Variants in ANKRD62 observed in about 807,000 individuals in gnomAD.
The protein encoded by ANKRD62 is ankyrin repeat domain-containing protein 62.
In ANKRD62, 61 loss-of-function variants were observed where a neutral mutation model predicts 98.8. That is an observed-to-expected ratio of 0.62 (90% CI 0.50 to 0.76). The LOEUF (loss-of-function observed/expected upper bound fraction) is 0.76. Ranked by LOEUF, ANKRD62 falls within the 30% of genes least tolerant of loss-of-function variation. The pLI, the probability that ANKRD62 is intolerant of heterozygous loss-of-function variation, is 0.00. For synonymous variants in ANKRD62, 341 were observed against 367.9 expected (o/e 0.93, Z 0.84); for missense variants, 933 against 1,082.9 (o/e 0.86, Z 1.94).
chr18:12,170,700 T>A, the ANKRD62 span, among the ~76,000 whole-genome samples: 1 of 152,202 alleles, frequency 6.6e-6, no homozygotes. Flanking sequence ...ACCTTCTGTC[T>A]CGTTGATCTG....
In ANKRD62 at chr18:12,095,576, T is replaced by C; in HGVS notation, c.473T>C (p.Leu158Pro). 1 of 1,531,056 alleles carries C rather than the reference T, an allele frequency of 6.5e-7. No individual in the cohort carries two copies. The highest frequency in any genetic ancestry group is 8.7e-7 in the Non-Finnish European group (1 of 1,143,928). 94.8% of individuals were successfully genotyped at this position (1,531,056 alleles called of 1,614,324 possible). A position where few individuals can be genotyped will look rare whatever the true frequency, so the allele number is the denominator to read the frequency against. Residue 158 changes from leucine to proline, a missense_variant, in exon 3 of 14, where the codon CTT becomes CCT. By Grantham distance (98) the Leu-to-Pro change is moderately conservative (BLOSUM62 -3). Around this residue, in one of 3 missense-constraint regions of ANKRD62, gnomAD observed 549 missense variants for 587.9 expected, o/e 0.93. Transcript: ENST00000587848. ...AATATATCAATGGCAAGAAAACTGC[T>C]TGCATATGGTGCAGATATTGAAGCA... ...NENISMARKLLAYGADIEARS... is the reference protein window; with the variant it reads ...NENISMARKLPAYGADIEARS...
chr18:12,150,510 C>G, the ANKRD62 span, among the ~76,000 whole-genome samples: 1 of 152,086 alleles, frequency 6.6e-6, no homozygotes, highest in Non-Finnish European at 1.5e-5. Context: ...TCAGATTTTC[C>G]AAGGTCCAAA....
At chr18:12,156,959 G>A in the ANKRD62 span, among the ~76,000 whole-genome samples, 2 of 151,966 alleles carry the variant, frequency 1.3e-5, no homozygotes, top group Non-Finnish European at 2.9e-5. Flanking sequence ...TCTCTCGCTC[G>A]CTGTCTCTCA....
At chr18:12,117,950 G>A (rs376900437) in intron 10 of ANKRD62, among the ~76,000 whole-genome samples, 78 of 152,292 alleles carry the variant, frequency 5.1e-4, no homozygotes, top group African/African-American at 1.8e-3. Flanking sequence ...AAAATTGAGA[G>A]GAAGGTACAG....
At chr18:12,131,499 T>C (rs554578529), downstream of ANKRD62, among the ~76,000 whole-genome samples, 26 of 152,290 alleles carry the variant, frequency 1.7e-4, no homozygotes, top group African/African-American at 6.0e-4. Flanking sequence ...AAAAAAGTCC[T>C]AAGAAGTCTG....
the ANKRD62 span, among the ~76,000 whole-genome samples, chr18:12,166,205 T>C: frequency 1.3e-5 from 2 of 152,176 alleles, no homozygotes; most frequent in Non-Finnish European, 2.9e-5. Context: ...TTCTCAGATA[T>C]TATTCTTTTG....
the ANKRD62 span, among the ~76,000 whole-genome samples, chr18:12,139,988 G>C: frequency 6.6e-6 from 1 of 152,160 alleles, no homozygotes; most frequent in Non-Finnish European, 1.5e-5. Context: ...GTACACCAAT[G>C]ATATGTAGAT....
chr18:12,127,689 T>G, intron 13 of ANKRD62, 59 bp from the exon 14 acceptor site: 1 of 1,261,054 alleles, frequency 7.9e-7, no homozygotes, highest in Non-Finnish European at 1.0e-6. Context: ...TAAATATTAT[T>G]AACAAAATTT....
Position 12,095,464 on chromosome 18 carries a change from G to A in ANKRD62, c.361G>A (p.Ala121Thr). 6.3e-7 allele frequency: 1 copy of A among 1,575,854 alleles called. No homozygotes were observed. The highest frequency in any genetic ancestry group is 8.6e-7 in the Non-Finnish European group (1 of 1,165,878). ...KAVQCQEEVC[A>T]SILLEHGANP... ...TGTACAATGTCAAGAAGAAGTTTGT[G>A]CATCCATCCTGCTGGAACATGGCGC... is the stretch of plus-strand genomic sequence containing the variant. Residue 121 changes from alanine (A) to threonine (T), a missense_variant, in exon 3 of 14, where the codon GCA (alanine) becomes ACA (threonine). This residue lies in a region of ANKRD62 where 549 missense variants were observed against 587.9 expected (regional missense o/e 0.93). Transcript: ENST00000587848.
chr18:12,124,081 C>G, intron 11 of ANKRD62, 56 bp from the exon 12 acceptor site: 1 of 865,326 alleles, frequency 1.2e-6, no homozygotes, highest in Non-Finnish European at 1.7e-6. Context: ...GATAATAAAC[C>G]AGCATATGAG....
the ANKRD62 span, among the ~76,000 whole-genome samples, chr18:12,152,347 GAAAACTGAATCCATTAGCATATC>G: frequency 1.3e-5 from 2 of 152,058 alleles, no homozygotes; most frequent in Non-Finnish European, 2.9e-5. Context: ...CAAAATCCTT[GAAAACTGAATCCATTAGCATATC>G]AAAAAGCTAA....
chr18:12,137,718 A>C, the ANKRD62 span, among the ~76,000 whole-genome samples: 2 of 152,166 alleles, frequency 1.3e-5, no homozygotes, highest in Non-Finnish European at 2.9e-5. Context: ...TATTGCCTCA[A>C]TTTCAGAGCC....
In ANKRD62 at chr18:12,096,231, G is replaced by C; in HGVS notation, c.543G>C (p.Arg181Ser). ...GHTSLLLAVN[R>S]KKEQMVAFLL... The stretch of plus-strand genomic sequence containing the variant: ...CATCACTTTTACTCGCTGTAAATAG[G>C]AAAAAAGAGCAAATGGTGGCATTTT... Residue 181 changes from arginine to serine, a missense_variant, in exon 4 of 14, where the codon AGG becomes AGC. Arg to Ser is a moderately radical substitution (Grantham distance 110). This residue lies in a region of ANKRD62 where 549 missense variants were observed against 587.9 expected (regional missense o/e 0.93). Transcript: ENST00000587848. 1 of 1,534,296 alleles carries C rather than the reference G, an allele frequency of 6.5e-7. No homozygotes were observed. Among genetic ancestry groups the C allele is most frequent in the Non-Finnish European group, 8.7e-7 (1 of 1,145,366 alleles).
intron 10 of ANKRD62, among the ~76,000 whole-genome samples, chr18:12,120,968 G>T (rs1237314622): frequency 1.3e-5 from 2 of 152,022 alleles, no homozygotes; most frequent in Non-Finnish European, 1.5e-5. Context: ...TATGGATTTT[G>T]CCAAGTTTAG....
chr18:12,157,486 G>C, the ANKRD62 span, among the ~76,000 whole-genome samples: 1 of 151,904 alleles, frequency 6.6e-6, no homozygotes, highest in Admixed American at 6.6e-5. Context: ...TGCCAATTTT[G>C]TTCTTTGGTG....
the ANKRD62 span, among the ~76,000 whole-genome samples, chr18:12,138,020 A>G: frequency 6.6e-6 from 1 of 151,920 alleles, no homozygotes; most frequent in African/African-American, 2.4e-5. Flanking sequence ...TGATTTTTTG[A>G]AGGGTTTTTT....
At position 12,107,457 on chromosome 18, in the gene ANKRD62, G is replaced by T; in HGVS notation, c.1054G>T (p.Glu352Ter). 6.7e-7 allele frequency: 1 copy of T among 1,501,140 alleles called. No homozygotes were observed. The highest frequency in any genetic ancestry group is 1.3e-5 in the South Asian group (1 of 77,004). 93.0% of individuals were successfully genotyped at this position (1,501,140 alleles called of 1,614,324 possible). A position where few individuals can be genotyped will look rare whatever the true frequency, so the allele number is the denominator to read the frequency against. Residue 352 changes from glutamate (E) to a stop codon, truncating the protein, a stop_gained, in exon 8 of 14, where the codon GAG (glutamate) becomes TAG (stop). Transcript: ENST00000587848. LOFTEE classifies it high-confidence loss of function. ...TCAATCTCCTGGGAAGGAGAATGGC[G>T]AGTTTGATAGGTAATCCTGTAGCGA... is the stretch of plus-strand genomic sequence containing the variant. ...NHQSPGKENGEFDRLARKTSN... is the reference protein window; with the variant it reads ...NHQSPGKENG
At chr18:12,113,697 G>A (rs1909597770) in intron 8 of ANKRD62, among the ~76,000 whole-genome samples, 2 of 152,198 alleles carry the variant, frequency 1.3e-5, no homozygotes, top group Admixed American at 1.3e-4. Flanking sequence ...TACGCTGTTG[G>A]TGGGAGTGTA....
chr18:12,112,434 T>G (rs1412136230), intron 8 of ANKRD62, among the ~76,000 whole-genome samples: 1 of 152,152 alleles, frequency 6.6e-6, no homozygotes, highest in African/African-American at 2.4e-5. Context: ...AACTCTCTGA[T>G]CTTCAACAAA....
Sources: gnomAD v4.1 joint callset for allele counts (sites outside exome capture counted in the v4.1 genomes callset) on GRCh38, gnomAD v4.1.1 for gene constraint, gnomAD v4.1.1 regional missense constraint, MANE v1.5 for transcripts, NCBI Gene and HGNC (gene_info 2026-07-23, HGNC 2026-07-21) for gene names.